EFCAB5: variants seen among roughly 807,000 people sequenced by gnomAD.
EFCAB5 encodes the protein EF-hand calcium-binding domain-containing protein 5.
In EFCAB5, 131 loss-of-function variants were observed where a neutral mutation model predicts 167.9. The observed-to-expected ratio is 0.78, with a 90% confidence interval of 0.68 to 0.90. The LOEUF is 0.90. Among genes scored for constraint, EFCAB5 ranks in the 40% least tolerant of loss-of-function variants. EFCAB5 has a pLI of 0.00. For missense variants in EFCAB5, 1,663 were observed against 1,745.2 expected (o/e 0.95, Z 0.84); for synonymous variants, 574 against 602.8 (o/e 0.95, Z 0.70).
At chr17:30,072,417 A>G (rs2151822492) in intron 14 of EFCAB5, among the ~76,000 whole-genome samples, 1 of 152,320 alleles carries the variant, frequency 6.6e-6, no homozygotes, top group African/African-American at 2.4e-5. Context: ...AAAATTAAGA[A>G]CCATAGTTAT....
At chr17:30,080,726 T>G in intron 16 of EFCAB5, 27 bp from the exon 17 acceptor site, 1 of 1,513,154 alleles carries the variant, frequency 6.6e-7, no homozygotes, top group Non-Finnish European at 9.0e-7. Flanking sequence ...TGTGCCTTTC[T>G]TCCATCCTCA....
intron 22 of EFCAB5, among the ~76,000 whole-genome samples, chr17:30,102,004 A>G (rs187832289): frequency 6.6e-6 from 1 of 152,290 alleles, no homozygotes; most frequent in East Asian, 1.9e-4. Flanking sequence ...CAAGTGTACC[A>G]ATTTGAACAA....
chr17:30,081,234 A>C (rs148226304), intron 17 of EFCAB5, among the ~76,000 whole-genome samples: 79 of 152,312 alleles, frequency 5.2e-4, no homozygotes, highest in African/African-American at 1.9e-3. Flanking sequence ...CAGGAATAGA[A>C]TTTTATGCTA....
intron 6 of EFCAB5, among the ~76,000 whole-genome samples, chr17:29,999,066 C>T (rs1353932365): frequency 6.6e-6 from 1 of 151,694 alleles, no homozygotes; most frequent in East Asian, 1.9e-4. Flanking sequence ...TTGCTTGCAC[C>T]TTAAATTTTG....
In EFCAB5 at chr17:30,064,909, T is replaced by C. The variant is rs149689652; in HGVS notation, c.2737+5208T>C. Among the ~76,000 whole-genome samples the C allele has an allele frequency of 1.4e-3, 214 of 152,280 alleles. 1 individual carries two copies. The highest frequency in any genetic ancestry group is 1.4e-3 in the Non-Finnish European group (93 of 68,018). Reference sequence around the variant, plus strand: ...AAGGCCAGAACAGAATGGGGTGATATATTCAAAGTGCTGAAAGAAAAAAAA... The same window carrying C: ...AAGGCCAGAACAGAATGGGGTGATACATTCAAAGTGCTGAAAGAAAAAAAA... On this transcript the variant is annotated intron_variant, in intron 14 of 22. Transcript: ENST00000394835.
chr17:30,077,899 G>C (rs2070900806), intron 14 of EFCAB5, among the ~76,000 whole-genome samples: 1 of 152,240 alleles, frequency 6.6e-6, no homozygotes, highest in Admixed American at 6.5e-5. Context: ...AGAGTAACAG[G>C]ATAGAATTAA....
At chr17:30,001,978 C>A (rs1224745627) in intron 7 of EFCAB5, among the ~76,000 whole-genome samples, 1 of 152,160 alleles carries the variant, frequency 6.6e-6, no homozygotes, top group African/African-American at 2.4e-5. Flanking sequence ...CCCAGGTCAG[C>A]CTGACTTCAA....
At position 29,982,284 on chromosome 17, in the gene EFCAB5, T is replaced by C. The variant is rs192770154; in HGVS notation, c.768-10881T>C. Among the ~76,000 whole-genome samples, 25 of 152,086 alleles carry C rather than the reference T, an allele frequency of 1.6e-4. 1 individual carries two copies. ...CCATCTCTACTAAAAATACAAAAAA[T>C]TAGCCGGGAGGCTGAGGCAGAAGAA... On this transcript the variant is annotated intron_variant, in intron 4 of 22. Coordinates refer to ENST00000394835, the MANE Select transcript of EFCAB5 (RefSeq NM_198529.4).
At chr17:29,942,358 C>T (rs1365642044) in intron 2 of EFCAB5, 56 bp downstream of exon 2, 3 of 1,414,054 alleles carry the variant, frequency 2.1e-6, no homozygotes, top group South Asian at 1.6e-5. Flanking sequence ...CTAGATAAAT[C>T]AATTTTCTTA....
At chr17:30,049,403 C>G (rs1368911521) in intron 8 of EFCAB5, among the ~76,000 whole-genome samples, 1 of 151,978 alleles carries the variant, frequency 6.6e-6, no homozygotes, top group East Asian at 1.9e-4. Context: ...TTGCTTGAAC[C>G]CGGGAGGCGG....
At chr17:30,036,308 TATATA>T in intron 8 of EFCAB5, among the ~76,000 whole-genome samples, 1 of 130,164 alleles carries the variant, frequency 7.7e-6, no homozygotes, top group Non-Finnish European at 1.6e-5. Context: ...TATATAATTA[TATATA>T]ATACACATAT....
At chr17:29,935,075 T>C (rs2067234041) in intron 1 of EFCAB5, among the ~76,000 whole-genome samples, 1 of 152,106 alleles carries the variant, frequency 6.6e-6, no homozygotes, top group Admixed American at 6.5e-5. Context: ...ATCCAATCCC[T>C]TATATTTGAA....
At chr17:30,091,541 G>T (rs772690428) in intron 20 of EFCAB5, among the ~76,000 whole-genome samples, 6 of 152,254 alleles carry the variant, frequency 3.9e-5, no homozygotes, top group Middle Eastern at 3.4e-3. Context: ...TAGGGATTAA[G>T]CCCATTTTCA....
chr17:30,017,823 G>T (rs1954583600), intron 7 of EFCAB5, among the ~76,000 whole-genome samples: 1 of 151,860 alleles, frequency 6.6e-6, no homozygotes, highest in Admixed American at 6.6e-5. Context: ...ATTTTATCCA[G>T]ATTTACACTA....
Position 30,069,903 on chromosome 17 carries a change from G to A in EFCAB5, c.2738-8312G>A, listed in dbSNP as rs1207222915. Among the ~76,000 whole-genome samples, 4 of 152,300 alleles carry A rather than the reference G, an allele frequency of 2.6e-5. No homozygotes were observed. In the East Asian group the frequency reaches 7.7e-4, roughly 29 times the overall value. ...AAGTGGCCTATGTAGCTATCATAAG[G>A]CTAGACAAACTGAATGCTGGAGCTG... is the stretch of plus-strand genomic sequence containing the variant. On this transcript the variant is annotated intron_variant, in intron 14 of 22. Transcript: ENST00000394835.
At chr17:30,105,189 T>C (rs1387173058) in intron 22 of EFCAB5, among the ~76,000 whole-genome samples, 1 of 152,132 alleles carries the variant, frequency 6.6e-6, no homozygotes, top group Non-Finnish European at 1.5e-5. Context: ...TCCAGGAAAC[T>C]AATTAACAGA....
At chr17:30,033,760 T>A (rs1381597305) in intron 7 of EFCAB5, among the ~76,000 whole-genome samples, 1 of 152,234 alleles carries the variant, frequency 6.6e-6, no homozygotes, top group Non-Finnish European at 1.5e-5. Flanking sequence ...GGATATCTTA[T>A]TGCAATATCA....
At chr17:30,005,740 A>T (rs1451467991) in intron 7 of EFCAB5, among the ~76,000 whole-genome samples, 1 of 152,156 alleles carries the variant, frequency 6.6e-6, no homozygotes, top group African/African-American at 2.4e-5. Flanking sequence ...GACGATTGTT[A>T]ATGTTAAAAT....
At position 29,931,491 on chromosome 17, in the gene EFCAB5, T is replaced by C. The variant is rs115745511; in HGVS notation, c.-127+2162T>C. Among the ~76,000 whole-genome samples, 222 of 152,296 alleles carry C rather than the reference T, an allele frequency of 1.5e-3. 1 individual carries two copies. The highest frequency in any genetic ancestry group is 5.1e-3 in the African/African-American group (210 of 41,560). On this transcript the variant is annotated intron_variant, in intron 1 of 3. Coordinates refer to the EFCAB5 transcript ENST00000448319. Reference sequence around the variant, plus strand: ...TGAGGGTCCCTGTACTGTACAGTCCTATGTAGAGTGTAGTGCAGAGAAGCC... The same window carrying C: ...TGAGGGTCCCTGTACTGTACAGTCCCATGTAGAGTGTAGTGCAGAGAAGCC...
Sources: allele counts gnomAD v4.1 joint callset (sites outside exome capture counted in the v4.1 genomes callset), GRCh38; gene constraint gnomAD v4.1.1; transcripts MANE v1.5; gene names NCBI Gene and HGNC (gene_info 2026-07-23, HGNC 2026-07-21).